The following UBE2E2 variants were observed in gnomAD, a reference collection of about 807,000 sequenced individuals.
UBE2E2 encodes ubiquitin conjugating enzyme E2 E2.
Under a neutral mutation model 24.7 loss-of-function variants are expected in UBE2E2, and 6 were observed. The ratio of observed to expected loss-of-function variants is 0.24; its 90% CI spans 0.13 to 0.48. The LOEUF (loss-of-function observed/expected upper bound fraction) is 0.48, where lower values mean the gene tolerates loss of function less well. UBE2E2 is among the 20% of genes least tolerant of loss of function. UBE2E2 has a pLI of 0.99. For missense variants in UBE2E2, 169 were observed against 245.0 expected, an observed-to-expected ratio of 0.69 and a Z score of 2.07; for synonymous variants, 104 against 83.6, an observed-to-expected ratio of 1.24 and a Z score of -1.33.
chr3:23,306,171 T>A (rs1354424856), intron 3 of UBE2E2, among the ~76,000 whole-genome samples: 1 of 152,228 alleles, frequency 6.6e-6, no homozygotes, highest in Non-Finnish European at 1.5e-5. Context: ...ACTTTTCATT[T>A]TATAACAGTG....
chr3:23,332,146 T>C (rs1012741225), intron 3 of UBE2E2, among the ~76,000 whole-genome samples: 2 of 152,196 alleles, frequency 1.3e-5, no homozygotes, highest in African/African-American at 4.8e-5. Context: ...ATTTATATCT[T>C]TCCACTTTTT....
intron 5 of UBE2E2, among the ~76,000 whole-genome samples, chr3:23,572,899 C>A (rs71322200): frequency 0.064 from 9,683 of 151,988 alleles, 465 homozygotes; most frequent in Non-Finnish European, 0.087. Context: ...GGGTATATAC[C>A]CAGTAATGAG....
chr3:23,268,325 A>G (rs1308405409), intron 3 of UBE2E2, among the ~76,000 whole-genome samples: 1 of 150,738 alleles, frequency 6.6e-6, no homozygotes, highest in Non-Finnish European at 1.5e-5. Flanking sequence ...TCAGCCCAAA[A>G]TCTCCTTAAG....
At chr3:23,226,118 A>T (rs1462521097) in intron 3 of UBE2E2, among the ~76,000 whole-genome samples, 1 of 152,126 alleles carries the variant, frequency 6.6e-6, no homozygotes, top group Non-Finnish European at 1.5e-5. Flanking sequence ...ATCCCAAGTG[A>T]TCTGCCCTCC....
chr3:23,256,797 C>G (rs1697733873), intron 3 of UBE2E2, among the ~76,000 whole-genome samples: 2 of 152,204 alleles, frequency 1.3e-5, no homozygotes, highest in South Asian at 2.1e-4. Flanking sequence ...CGTCCTTGCT[C>G]TCACACACGC....
intron 3 of UBE2E2, among the ~76,000 whole-genome samples, chr3:23,378,172 C>T (rs190461556): frequency 2.2e-4 from 30 of 134,596 alleles, no homozygotes; most frequent in African/African-American, 8.1e-4. Context: ...TTTTTATATA[C>T]ATATCTGAAA....
At chr3:23,258,472 A>T (rs1697798610) in intron 3 of UBE2E2, among the ~76,000 whole-genome samples, 2 of 152,220 alleles carry the variant, frequency 1.3e-5, no homozygotes, top group African/African-American at 4.8e-5. Context: ...GAATGCATTG[A>T]TTTTAAGTAG....
At chr3:23,309,880 G>T (rs770006266) in intron 3 of UBE2E2, among the ~76,000 whole-genome samples, 1 of 152,096 alleles carries the variant, frequency 6.6e-6, no homozygotes, top group African/African-American at 2.4e-5. Flanking sequence ...TGACATGGTG[G>T]TTGGCTTCCA....
At chr3:23,582,891 G>GTGTGTGTGTGTA (rs1553622745) in intron 5 of UBE2E2, among the ~76,000 whole-genome samples, 11,691 of 148,574 alleles carry the variant, frequency 0.079, 497 homozygotes, top group African/African-American at 0.12. Context: ...GTGTGTGTGT[G>GTGTGTGTGTGTA]TGTTGTGTGT....
chr3:23,210,747 CTT>C (rs1269886008), intron 2 of UBE2E2, among the ~76,000 whole-genome samples: 2 of 152,136 alleles, frequency 1.3e-5, no homozygotes, highest in Non-Finnish European at 2.9e-5. Context: ...TAGGAAGTCT[CTT>C]TTGAGTTGCT....
At position 23,358,256 on chromosome 3, in the gene UBE2E2, C is replaced by G. The variant is rs576506072; in HGVS notation, c.227+140944C>G. Among the ~76,000 whole-genome samples the G allele has an allele frequency of 7.2e-5, 11 of 152,304 alleles. No individual in the cohort carries two copies. The South Asian group carries it at 1.7e-3, about 23-fold the overall frequency. ...GAATTAGCTATGTTGAATGAGAGCT[C>G]TCAGTCAGCAACTACTGATTTCATT... On this transcript the variant is annotated intron_variant, in intron 3 of 5. Coordinates refer to ENST00000396703, the MANE Select transcript of UBE2E2 (RefSeq NM_152653.4).
intron 3 of UBE2E2, among the ~76,000 whole-genome samples, chr3:23,364,617 T>C (rs951963184): frequency 6.6e-6 from 1 of 152,118 alleles, no homozygotes; most frequent in African/African-American, 2.4e-5. Flanking sequence ...AATTATAAAA[T>C]TGAATCAGTA....
chr3:23,289,788 C>G (rs550865003), intron 3 of UBE2E2, among the ~76,000 whole-genome samples: 1 of 152,334 alleles, frequency 6.6e-6, no homozygotes, highest in Non-Finnish European at 1.5e-5. Flanking sequence ...GGAATGGTGT[C>G]TACCAGTGAC....
chr3:23,568,699 A>G (rs1575713818), intron 5 of UBE2E2, among the ~76,000 whole-genome samples: 1 of 37,460 alleles, frequency 2.7e-5, no homozygotes, highest in Middle Eastern at 0.016. Context: ...ATACACACAT[A>G]TATATATACA....
chr3:23,480,123 G>C (rs73043636), intron 3 of UBE2E2, among the ~76,000 whole-genome samples: 2 of 152,020 alleles, frequency 1.3e-5, no homozygotes, highest in Non-Finnish European at 2.9e-5. Context: ...GCCAAGAGGC[G>C]CCCACAGGTC....
intron 3 of UBE2E2, among the ~76,000 whole-genome samples, chr3:23,274,817 G>A (rs1385384348): frequency 2.0e-5 from 3 of 152,170 alleles, no homozygotes; most frequent in Non-Finnish European, 4.4e-5. Flanking sequence ...CAAATGCTGT[G>A]TAGGTAATAA....
chr3:23,219,998 T>C lies in UBE2E2; in HGVS notation c.227+2686T>C, dbSNP rs1696581652. ...TCTGAATTTTGGTGCATCTCTTAGGTGATATCTAGTTAAGCTTCTTTTGGA... is the reference window on the plus strand; with the variant it reads ...TCTGAATTTTGGTGCATCTCTTAGGCGATATCTAGTTAAGCTTCTTTTGGA... On this transcript the variant is annotated intron_variant, in intron 3 of 5. Coordinates refer to ENST00000396703, the MANE Select transcript of UBE2E2 (RefSeq NM_152653.4). Among the ~76,000 whole-genome samples, 3 of 152,250 alleles carry C rather than the reference T, an allele frequency of 2.0e-5. No individual in the cohort carries two copies. In the East Asian group the frequency reaches 5.8e-4, roughly 29 times the overall value.
intron 5 of UBE2E2, among the ~76,000 whole-genome samples, chr3:23,551,441 G>T (rs1327152015): frequency 3.3e-5 from 5 of 152,106 alleles, no homozygotes; most frequent in Admixed American, 1.3e-4. Flanking sequence ...ACTTATGTTG[G>T]CTCTATATTA....
At chr3:23,300,588 C>G (rs556334317) in intron 3 of UBE2E2, among the ~76,000 whole-genome samples, 1 of 152,308 alleles carries the variant, frequency 6.6e-6, no homozygotes, top group East Asian at 1.9e-4. Flanking sequence ...AAATTCATTT[C>G]TTTAAGAATG....
Sources: allele counts gnomAD v4.1 joint callset (sites outside exome capture counted in the v4.1 genomes callset), GRCh38; gene constraint gnomAD v4.1.1; transcripts MANE v1.5; gene names NCBI Gene and HGNC (gene_info 2026-07-23, HGNC 2026-07-21).